Variants in CCDC7 observed in about 807,000 individuals in gnomAD.
CCDC7 encodes the protein coiled-coil domain containing 7.
In CCDC7, 183 loss-of-function variants were observed where a neutral mutation model predicts 196.9. The observed-to-expected ratio is 0.93, with a 90% CI of 0.82 to 1.05. The LOEUF is 1.05. CCDC7 is among the 50% of genes least tolerant of loss of function. The pLI is 0.00. For synonymous variants in CCDC7, 525 were observed against 484.6 expected, an observed-to-expected ratio of 1.08 and a Z score of -1.10; for missense variants, 1,540 against 1,482.2, an observed-to-expected ratio of 1.04 and a Z score of -0.64.
chr10:32,846,668 T>G (rs778574498), intron 37 of CCDC7, among the ~76,000 whole-genome samples: 12 of 152,162 alleles, frequency 7.9e-5, no homozygotes, highest in Non-Finnish European at 1.8e-4. Flanking sequence ...ATTTGAAAAG[T>G]AATGCATAAA....
At chr10:32,836,910 T>C (rs2092650049) in intron 33 of CCDC7, among the ~76,000 whole-genome samples, 2 of 152,090 alleles carry the variant, frequency 1.3e-5, no homozygotes, top group Admixed American at 1.3e-4. Flanking sequence ...TTACACCTTA[T>C]ACAAAAATTA....
At position 32,567,692 on chromosome 10, in the gene CCDC7, A is replaced by G. The variant is rs202120581; in HGVS notation, c.1220A>G (p.Gln407Arg). Residue 407 changes from glutamine (Q) to arginine (R), a missense_variant, in exon 15 of 42, where the codon CAA becomes CGA. Transcript: ENST00000639629. The stretch of plus-strand genomic sequence containing the variant: ...CAGGAAGCTGAAAAAGCTAAGCATC[A>G]ACTTAACTATTTCCTAAATCAAGAG... 1.4e-5 allele frequency: 22 copies of G among 1,611,872 alleles called. No individual in the cohort carries two copies. In the African/African-American group the frequency reaches 2.8e-4, roughly 21 times the overall value.
chr10:32,830,121 G>GATATATATAT lies in CCDC7; in HGVS notation c.3269-4683_3269-4674dup. Among the ~76,000 whole-genome samples the GATATATATAT allele has an allele frequency of 4.8e-3, 243 of 50,662 alleles. 55 individuals carry two copies. The highest frequency in any genetic ancestry group is 0.018 in the South Asian group (19 of 1,056). The allele number at this position is 50,662 out of a possible 152,430, so 33.2% of individuals were successfully genotyped here. A position where few individuals can be genotyped will look rare whatever the true frequency, so the allele number is the denominator to read the frequency against. Reference sequence around the variant, plus strand: ...TCCTATTAGTTCTTATATATATAAGGATATATATATATATATATATCCTAT... The same window carrying GATATATATAT: ...TCCTATTAGTTCTTATATATATAAGGATATATATATATATATATATATATATATATCCTAT... On this transcript the variant is annotated intron_variant, in intron 32 of 41. Coordinates refer to ENST00000639629, the Ensembl canonical transcript of CCDC7.
intron 20 of CCDC7, among the ~76,000 whole-genome samples, chr10:32,658,465 A>G (rs1404962626): frequency 6.6e-6 from 1 of 152,092 alleles, no homozygotes; most frequent in Non-Finnish European, 1.5e-5. Flanking sequence ...TCTCGTAAGA[A>G]CTCATTTACT....
chr10:32,559,133 C>A (rs2136546460), intron 13 of CCDC7, among the ~76,000 whole-genome samples: 1 of 152,342 alleles, frequency 6.6e-6, no homozygotes, highest in East Asian at 1.9e-4. Context: ...CCGCCATTGC[C>A]CAGGCTTGCT....
rs1368070194 is a variant in CCDC7 at position 32,874,421 on chromosome 10, C to T, written c.4112-1926C>T. Among the ~76,000 whole-genome samples the T allele has an allele frequency of 2.6e-5, 4 of 151,370 alleles. No individual in the cohort carries two copies. The South Asian group carries it at 6.2e-4, about 24-fold the overall frequency. On this transcript the variant is annotated intron_variant, in intron 41 of 41. Coordinates refer to ENST00000639629, the Ensembl canonical transcript of CCDC7. ...TTATACCCAATAGGTAGTTTTTCAT[C>T]CCTCACCCACCTGTCATCCTCTCCC...
chr10:32,766,915 G>A (rs984946148), intron 28 of CCDC7, among the ~76,000 whole-genome samples: 15 of 151,992 alleles, frequency 9.9e-5, no homozygotes, highest in East Asian at 3.8e-4. Context: ...GTGATTACTC[G>A]CTTGATTTCT....
chr10:32,553,322 CTTG>C (rs1018986141), intron 13 of CCDC7, among the ~76,000 whole-genome samples: 14 of 151,976 alleles, frequency 9.2e-5, no homozygotes, highest in African/African-American at 2.9e-4. Flanking sequence ...TCTCCCTTCA[CTTG>C]TTGTATCATT....
At chr10:32,834,249 A>G (rs1438428186) in intron 32 of CCDC7, among the ~76,000 whole-genome samples, 1 of 152,096 alleles carries the variant, frequency 6.6e-6, no homozygotes, top group Non-Finnish European at 1.5e-5. Context: ...ATTTGTAGTT[A>G]CATAACATAA....
At chr10:32,819,972 C>T (rs546655436) in intron 31 of CCDC7, among the ~76,000 whole-genome samples, 41 of 152,130 alleles carry the variant, frequency 2.7e-4, no homozygotes, top group Non-Finnish European at 4.1e-4. Flanking sequence ...CCAGGGCAAT[C>T]AGGCAGGAGA....
intron 3 of CCDC7, among the ~76,000 whole-genome samples, chr10:32,462,170 C>T (rs1054793359): frequency 1.3e-5 from 2 of 152,108 alleles, no homozygotes; most frequent in Admixed American, 6.6e-5. Flanking sequence ...GGCTCATGCT[C>T]AGTGTTTTGG....
intron 33 of CCDC7, among the ~76,000 whole-genome samples, chr10:32,835,163 T>C (rs1448492032): frequency 6.6e-6 from 1 of 152,098 alleles, no homozygotes; most frequent in East Asian, 1.9e-4. Context: ...ATGCTATTAT[T>C]TCAAATGCTA....
At chr10:32,837,884 A>T (rs1372627479) in intron 33 of CCDC7, among the ~76,000 whole-genome samples, 3 of 141,370 alleles carry the variant, frequency 2.1e-5, no homozygotes, top group Non-Finnish European at 3.0e-5. Context: ...ATGAGAACAC[A>T]TGGACACAGG....
At chr10:32,539,652 G>T (rs563802404) in intron 11 of CCDC7, among the ~76,000 whole-genome samples, 49 of 152,182 alleles carry the variant, frequency 3.2e-4, no homozygotes, top group African/African-American at 9.6e-4. Context: ...GGCATTTAGT[G>T]TTATAAACTT....
At chr10:32,822,072 A>G (rs1451893416) in intron 31 of CCDC7, among the ~76,000 whole-genome samples, 1 of 152,092 alleles carries the variant, frequency 6.6e-6, no homozygotes, top group East Asian at 1.9e-4. Flanking sequence ...GAAATATGAA[A>G]TTACTAAATA....
chr10:32,461,840 C>T (rs925157260), intron 3 of CCDC7, among the ~76,000 whole-genome samples: 3 of 149,760 alleles, frequency 2.0e-5, no homozygotes, highest in African/African-American at 4.9e-5. Context: ...GGCGTGATCT[C>T]GGCTCACCGC....
intron 29 of CCDC7, among the ~76,000 whole-genome samples, chr10:32,793,196 A>G (rs2082999842): frequency 6.6e-6 from 1 of 152,214 alleles, no homozygotes; most frequent in South Asian, 2.1e-4. Context: ...TACTACTTTT[A>G]TGTCTGGTAG....
intron 41 of CCDC7, among the ~76,000 whole-genome samples, chr10:32,863,116 C>A (rs2136542848): frequency 6.6e-6 from 1 of 151,982 alleles, no homozygotes; most frequent in East Asian, 1.9e-4. Flanking sequence ...AATCAAAATT[C>A]CAATGGTATT....
Position 32,814,369 on chromosome 10 carries a change from G to T in CCDC7, c.3098-1G>T. 6.3e-7 allele frequency: 1 copy of T among 1,588,734 alleles called. No homozygotes were observed. Among genetic ancestry groups the T allele is most frequent in the Non-Finnish European group, 8.6e-7 (1 of 1,157,718 alleles). ...GTTTTGATACCTGTTTATTTCTATA[G>T]GGCCTGATATAGAACAATTGACAGA... is the stretch of plus-strand genomic sequence containing the variant. On this transcript the variant is annotated splice_acceptor_variant, in intron 30 of 41. Transcript: ENST00000639629. LOFTEE classifies it high-confidence loss of function.
Sources: gnomAD v4.1 joint callset for allele counts (sites outside exome capture counted in the v4.1 genomes callset) on GRCh38, gnomAD v4.1.1 for gene constraint, MANE v1.5 for transcripts, NCBI Gene and HGNC (gene_info 2026-07-23, HGNC 2026-07-21) for gene names.